Variants in OR9Q1 observed in about 807,000 individuals in gnomAD.
OR9Q1 encodes olfactory receptor 9Q1.
For synonymous variants in OR9Q1, 153 were observed against 148.6 expected, an observed-to-expected ratio of 1.03 and a Z score of -0.22; for missense variants, 374 against 378.8, an observed-to-expected ratio of 0.99 and a Z score of 0.11.
chr11:58,128,295 C>G (rs1320200015), intron 2 of OR9Q1, among the ~76,000 whole-genome samples: 1 of 147,254 alleles, frequency 6.8e-6, no homozygotes, highest in East Asian at 2.0e-4. Flanking sequence ...GAGCAATTAA[C>G]CTGCCTGATA....
chr11:58,030,955 G>A lies in OR9Q1; in HGVS notation c.-93+6851G>A, dbSNP rs113094669. 5.2e-5 allele frequency: 83 copies of A among 1,607,610 alleles called. 4 individuals are homozygous for A. The highest frequency in any genetic ancestry group is 4.7e-4 in the African/African-American group (35 of 74,924). ...TTGCTGAGCTCTCACTGCCACATAT[G>A]CAACCATATACCAAAAACTGGACCC... On this transcript the variant is annotated intron_variant, in intron 1 of 2. Transcript: ENST00000335397.
chr11:58,179,157 G>T, intron 2 of OR9Q1, among the ~76,000 whole-genome samples: 1 of 151,194 alleles, frequency 6.6e-6, no homozygotes, highest in African/African-American at 2.4e-5. Context: ...CGAGTAGCTG[G>T]GATTACAGGT....
chr11:58,175,585 C>G (rs1854598941), intron 2 of OR9Q1, among the ~76,000 whole-genome samples: 1 of 152,102 alleles, frequency 6.6e-6, no homozygotes, highest in African/African-American at 2.4e-5. Flanking sequence ...CTACTCCTTG[C>G]TTAGGAGTTT....
At chr11:58,103,446 T>C (rs980629216) in intron 2 of OR9Q1, among the ~76,000 whole-genome samples, 1 of 152,200 alleles carries the variant, frequency 6.6e-6, no homozygotes, top group Non-Finnish European at 1.5e-5. Context: ...CATTGTTTTT[T>C]ATGACATCTA....
intron 2 of OR9Q1, among the ~76,000 whole-genome samples, chr11:58,093,829 G>A (rs1369739555): frequency 6.7e-6 from 1 of 150,092 alleles, no homozygotes; most frequent in Non-Finnish European, 1.5e-5. Flanking sequence ...AAAAGGAAAT[G>A]CTTATACACT....
rs191807102 is a variant in OR9Q1 at position 58,144,845 on chromosome 11, G to A, written c.-14-34586G>A. 190 of 152,484 alleles carry A rather than the reference G, an allele frequency of 1.2e-3. 2 individuals are homozygous for A. The highest frequency in any genetic ancestry group is 6.2e-4 in the Non-Finnish European group (42 of 68,144). The allele number at this position is 152,484 out of a possible 1,614,324, so 9.4% of individuals were successfully genotyped here. A position where few individuals can be genotyped will look rare whatever the true frequency, so the allele number is the denominator to read the frequency against. On this transcript the variant is annotated intron_variant, in intron 2 of 2. Transcript: ENST00000335397. The stretch of plus-strand genomic sequence containing the variant: ...CTTTTGGCTGTGATGGCTTATGACC[G>A]GTACGTGGCTGTGTGTAACCCCCTC...
At chr11:58,096,104 C>T (rs1395329783) in intron 2 of OR9Q1, among the ~76,000 whole-genome samples, 1 of 151,350 alleles carries the variant, frequency 6.6e-6, no homozygotes, top group East Asian at 1.9e-4. Flanking sequence ...TTTTCCCTCC[C>T]TCTCTTTCTT....
chr11:58,082,603 G>A (rs1353727514), intron 2 of OR9Q1, among the ~76,000 whole-genome samples: 1 of 71,344 alleles, frequency 1.4e-5, no homozygotes, highest in East Asian at 5.9e-4. Context: ...TTGTGGGGTG[G>A]GGGGAGGGGG....
chr11:58,145,130 C>T (rs964637529), intron 2 of OR9Q1: 2 of 152,388 alleles, frequency 1.3e-5, no homozygotes, highest in African/African-American at 2.4e-5. Context: ...ATTCTTACAT[C>T]GTACTTGTTC....
chr11:58,027,459 G>A (rs1302209121), intron 1 of OR9Q1, among the ~76,000 whole-genome samples: 2 of 152,162 alleles, frequency 1.3e-5, no homozygotes, highest in East Asian at 1.9e-4. Flanking sequence ...AGGGTTTTAC[G>A]TTTTAAAGAG....
At chr11:58,033,798 A>G (rs929790229) in intron 1 of OR9Q1, among the ~76,000 whole-genome samples, 1 of 152,206 alleles carries the variant, frequency 6.6e-6, no homozygotes, top group Non-Finnish European at 1.5e-5. Flanking sequence ...GGTGAGGACT[A>G]TGGAAGGGAG....
At chr11:58,086,254 T>G (rs945863812) in intron 2 of OR9Q1, among the ~76,000 whole-genome samples, 1 of 151,786 alleles carries the variant, frequency 6.6e-6, no homozygotes, top group African/African-American at 2.4e-5. Context: ...AACAGATATG[T>G]GAAAAAATAT....
chr11:58,058,685 G>A (rs912918030), intron 2 of OR9Q1, among the ~76,000 whole-genome samples: 25 of 152,104 alleles, frequency 1.6e-4, no homozygotes, highest in African/African-American at 5.3e-4. Flanking sequence ...GGCAATGACG[G>A]TGGCCATGCT....
intron 2 of OR9Q1, among the ~76,000 whole-genome samples, chr11:58,090,849 C>A (rs1488972018): frequency 6.6e-6 from 1 of 152,164 alleles, no homozygotes; most frequent in African/African-American, 2.4e-5. Context: ...AGGGATTCAA[C>A]TTCTTTCTGG....
intron 2 of OR9Q1, among the ~76,000 whole-genome samples, chr11:58,159,004 C>A (rs961147465): frequency 6.6e-6 from 1 of 152,320 alleles, no homozygotes; most frequent in Middle Eastern, 3.4e-3. Context: ...ATGTGAGATT[C>A]TTTCCAGTCC....
intron 1 of OR9Q1, among the ~76,000 whole-genome samples, chr11:58,029,472 A>G (rs959151402): frequency 6.6e-6 from 1 of 152,246 alleles, no homozygotes; most frequent in African/African-American, 2.4e-5. Context: ...TTCAATGGGA[A>G]TAGCCATAGA....
chr11:58,084,929 A>C (rs1853620727), intron 2 of OR9Q1, among the ~76,000 whole-genome samples: 1 of 151,846 alleles, frequency 6.6e-6, no homozygotes, highest in Non-Finnish European at 1.5e-5. Context: ...ACAGCACTGG[A>C]ATTCCTAGCC....
chr11:58,066,851 G>A lies in OR9Q1; in HGVS notation c.-15+10904G>A, dbSNP rs957225668. On this transcript the variant is annotated intron_variant, in intron 2 of 2. Coordinates refer to ENST00000335397, the MANE Select transcript of OR9Q1 (RefSeq NM_001005212.4). ...TCCGGTGATGCACAGGAGAGGCCGG[G>A]GGTCTCCAGGGAGAGGCTGTAAAAC... Among the ~76,000 whole-genome samples the A allele has an allele frequency of 1.9e-4, 29 of 152,192 alleles. 1 individual carries two copies. The highest frequency in any genetic ancestry group is 8.8e-5 in the Non-Finnish European group (6 of 68,006).
chr11:58,109,613 A>C, intron 2 of OR9Q1: 1 of 457,228 alleles, frequency 2.2e-6, no homozygotes, highest in Non-Finnish European at 4.4e-6. Flanking sequence ...TGATCTGTGA[A>C]GACTACAAGA....
Sources: allele counts gnomAD v4.1 joint callset (sites outside exome capture counted in the v4.1 genomes callset), GRCh38; gene constraint gnomAD v4.1.1; transcripts MANE v1.5; gene names NCBI Gene and HGNC (gene_info 2026-07-23, HGNC 2026-07-21).